The following CALN1 variants were observed in gnomAD, a reference collection of about 807,000 sequenced individuals.
CALN1 encodes the protein calneuron 1.
In CALN1, 17 loss-of-function variants were observed where a neutral mutation model predicts 30.6. The ratio of observed to expected loss-of-function variants is 0.56; its 90% CI spans 0.38 to 0.83. The LOEUF (loss-of-function observed/expected upper bound fraction) is 0.83, where lower values mean the gene tolerates loss of function less well. Among genes scored for constraint, CALN1 ranks in the 40% least tolerant of loss-of-function variants. CALN1 has a pLI of 0.00. For synonymous variants in CALN1, 156 were observed against 131.4 expected (o/e 1.19, Z -1.28); for missense variants, 291 against 354.9 (o/e 0.82, Z 1.45).
At chr7:72,390,628 A>G (rs1805520233) in intron 2 of CALN1, among the ~76,000 whole-genome samples, 1 of 152,168 alleles carries the variant, frequency 6.6e-6, no homozygotes, top group Non-Finnish European at 1.5e-5. Context: ...TGCAAGCCAC[A>G]AGGCACCGTG....
In CALN1 at chr7:71,780,025, G is replaced by A. The variant is rs936022647; in HGVS notation, c.*7750C>T. On this transcript the variant is annotated 3_prime_UTR_variant, in exon 7 of 7. Transcript: ENST00000395275. ...GTCTAATGACCGCTACGATCACAGCGACCCCTCCTCCCCATCCAACAGTTG... is the reference window on the plus strand; with the variant it reads ...GTCTAATGACCGCTACGATCACAGCAACCCCTCCTCCCCATCCAACAGTTG... The A allele has an allele frequency of 6.6e-6, 1 of 152,098 alleles. No individual in the cohort carries two copies. Among genetic ancestry groups the A allele is most frequent in the African/African-American group, 2.4e-5 (1 of 41,408 alleles). 9.4% of individuals were successfully genotyped at this position (152,098 alleles called of 1,614,324 possible). A position where few individuals can be genotyped will look rare whatever the true frequency, so the allele number is the denominator to read the frequency against.
chr7:72,040,542 T>C (rs887215460), intron 4 of CALN1, among the ~76,000 whole-genome samples: 23 of 152,296 alleles, frequency 1.5e-4, no homozygotes, highest in African/African-American at 3.4e-4. Flanking sequence ...ATGGACTGAA[T>C]TGGGTCCCAT....
chr7:71,933,536 T>G (rs571737254), intron 5 of CALN1, among the ~76,000 whole-genome samples: 2 of 152,278 alleles, frequency 1.3e-5, no homozygotes, highest in African/African-American at 4.8e-5. Flanking sequence ...CCTGGGTATT[T>G]ACCCTAGACA....
intron 5 of CALN1, among the ~76,000 whole-genome samples, chr7:71,833,676 C>A (rs1397285415): frequency 6.6e-6 from 1 of 151,966 alleles, no homozygotes. Flanking sequence ...GAAGCCAAAG[C>A]AGGACTGCTT....
intron 3 of CALN1, among the ~76,000 whole-genome samples, chr7:72,121,437 T>A (rs1808385960): frequency 1.4e-5 from 2 of 146,992 alleles, no homozygotes; most frequent in African/African-American, 4.9e-5. Context: ...TATCATGTTA[T>A]ATAATTATAT....
At chr7:71,982,609 T>TA (rs1428775522) in intron 5 of CALN1, among the ~76,000 whole-genome samples, 1 of 151,734 alleles carries the variant, frequency 6.6e-6, no homozygotes, top group African/African-American at 2.4e-5. Flanking sequence ...CAAAACAGAA[T>TA]AAAAAATAAA....
chr7:72,483,293 T>C, the CALN1 span, among the ~76,000 whole-genome samples: 435 of 147,070 alleles, frequency 3.0e-3, 6 homozygotes, highest in African/African-American at 0.01. Context: ...TTTTTTTTTT[T>C]TTTTTTTTTG....
At chr7:72,059,672 C>T (rs1357416444) in intron 4 of CALN1, among the ~76,000 whole-genome samples, 1 of 152,066 alleles carries the variant, frequency 6.6e-6, no homozygotes, top group East Asian at 1.9e-4. Flanking sequence ...AGCTGATCTC[C>T]CTATATTTTG....
intron 3 of CALN1, among the ~76,000 whole-genome samples, chr7:72,240,173 G>A (rs191756911): frequency 1.9e-4 from 28 of 150,858 alleles, no homozygotes; most frequent in African/African-American, 4.9e-4. Flanking sequence ...TATAGTTCTC[G>A]AAACACTTGG....
intron 5 of CALN1, among the ~76,000 whole-genome samples, chr7:71,974,343 G>A (rs1022393098): frequency 1.5e-4 from 22 of 149,354 alleles, no homozygotes; most frequent in Admixed American, 5.4e-4. Flanking sequence ...GCTTGAACTC[G>A]GGAGGGGGAA....
At chr7:72,358,221 C>T (rs1245427896) in intron 2 of CALN1, among the ~76,000 whole-genome samples, 1 of 151,898 alleles carries the variant, frequency 6.6e-6, no homozygotes, top group Non-Finnish European at 1.5e-5. Context: ...TCTCAAATGC[C>T]TGGCCTCACG....
intron 5 of CALN1, among the ~76,000 whole-genome samples, chr7:72,017,925 C>A (rs1178979950): frequency 1.3e-5 from 2 of 152,114 alleles, no homozygotes; most frequent in Non-Finnish European, 2.9e-5. Context: ...GTGTGGGACT[C>A]ATTTCTCTGT....
intron 3 of CALN1, among the ~76,000 whole-genome samples, chr7:72,163,391 T>TAAAAAAAAAAAA (rs1563111506): frequency 9.5e-4 from 124 of 130,332 alleles, no homozygotes; most frequent in Non-Finnish European, 1.3e-3. Context: ...TTATTGGAGA[T>TAAAAAAAAAAAA]TAAAAAAAAA....
intron 1 of CALN1, among the ~76,000 whole-genome samples, chr7:72,417,424 G>T (rs1807457854): frequency 6.6e-6 from 1 of 152,176 alleles, no homozygotes; most frequent in Non-Finnish European, 1.5e-5. Context: ...GGAAGTAAAT[G>T]AGAACCTAAA....
chr7:71,987,558 A>C (rs1798739021), intron 5 of CALN1, among the ~76,000 whole-genome samples: 1 of 152,218 alleles, frequency 6.6e-6, no homozygotes, highest in Non-Finnish European at 1.5e-5. Flanking sequence ...TGTTGGGACC[A>C]TGAGTAATTT....
At chr7:72,406,533 G>A (rs1345505875) in intron 1 of CALN1, among the ~76,000 whole-genome samples, 8 of 152,028 alleles carry the variant, frequency 5.3e-5, no homozygotes, top group Non-Finnish European at 8.8e-5. Context: ...AAGGTCAGCC[G>A]GAAGGAGCTG....
chr7:72,323,535 C>A (rs1395937583), intron 2 of CALN1, among the ~76,000 whole-genome samples: 4 of 151,896 alleles, frequency 2.6e-5, no homozygotes, highest in Admixed American at 2.6e-4. Flanking sequence ...TGCTGGCATG[C>A]ACCTGTAATC....
rs146618345 is a variant in CALN1, at chr7:71,795,435, G to C, written c.659-7533C>G. Reference sequence around the variant, plus strand: ...GCTCCTTGTGTTTATTTGTTGTAATGATCTAGCTTTCAATATTTATTTATT... The same window carrying C: ...GCTCCTTGTGTTTATTTGTTGTAATCATCTAGCTTTCAATATTTATTTATT... On this transcript the variant is annotated intron_variant, in intron 6 of 6. Transcript: ENST00000395275. Among the ~76,000 whole-genome samples, 32 of 152,278 alleles carry C rather than the reference G, an allele frequency of 2.1e-4. No homozygotes were observed. The East Asian group carries it at 3.9e-3, about 18-fold the overall frequency.
intron 5 of CALN1, among the ~76,000 whole-genome samples, chr7:71,975,488 G>A (rs1798057998): frequency 6.6e-6 from 1 of 152,026 alleles, no homozygotes; most frequent in Admixed American, 6.6e-5. Context: ...GTGCAGCAGT[G>A]CAATCATAGC....
Sources: allele counts gnomAD v4.1 joint callset (sites outside exome capture counted in the v4.1 genomes callset), GRCh38; gene constraint gnomAD v4.1.1; transcripts MANE v1.5; gene names NCBI Gene and HGNC (gene_info 2026-07-23, HGNC 2026-07-21).